The following COL9A2 variants were observed in gnomAD, a reference collection of about 807,000 sequenced individuals.
COL9A2 encodes collagen type IX alpha 2 chain, also known as collagen alpha-2(IX) chain.
In COL9A2, 66 loss-of-function variants were observed where a neutral mutation model predicts 111.6. That is an observed-to-expected ratio of 0.59 (90% CI 0.48 to 0.73). The LOEUF (loss-of-function observed/expected upper bound fraction) is 0.73. COL9A2 is among the 30% of genes least tolerant of loss of function. COL9A2 has a pLI of 0.00. For synonymous variants in COL9A2, 353 were observed against 364.1 expected (o/e 0.97, Z 0.35); for missense variants, 881 against 954.1 (o/e 0.92, Z 1.01).
Position 40,304,542 on chromosome 1 carries a change from G to C in COL9A2, c.1162-13C>G, listed in dbSNP as rs781182527. The C allele has an allele frequency of 1.9e-6, 3 of 1,614,116 alleles. No individual in the cohort carries two copies. The highest frequency in any genetic ancestry group is 4.5e-5 in the East Asian group (2 of 44,884). ...CGCCTTGGTCACCCTGAAATGGAAA[G>C]AGAAGGTCACAACCTCAGCAGCTCT... On this transcript the variant is annotated splice_polypyrimidine_tract_variant and intron_variant, in intron 22 of 31. Coordinates refer to ENST00000372748, the MANE Select transcript of COL9A2 (RefSeq NM_001852.4).
In COL9A2 at chr1:40,312,397, C is replaced by T; in HGVS notation, c.363+59G>A. On this transcript the variant is annotated intron_variant, in intron 7 of 31. Transcript: ENST00000372748. The surrounding 1 kb of genome is among the most constrained non-coding windows in gnomAD (Gnocchi z 6.0). ...TGGTGGCCATTCCCTCGAAGCCTTT[C>T]TGTTGTCCCCTCCTTCCCTGGGAGT... is the stretch of plus-strand genomic sequence containing the variant. The T allele has an allele frequency of 6.3e-7, 1 of 1,596,958 alleles. No individual in the cohort carries two copies. The highest frequency in any genetic ancestry group is 8.6e-7 in the Non-Finnish European group (1 of 1,169,536).
chr1:40,311,209 A>G lies in COL9A2; in HGVS notation c.576+21T>C. 6.2e-7 allele frequency: 1 copy of G among 1,614,132 alleles called. No individual in the cohort carries two copies. The highest frequency in any genetic ancestry group is 8.5e-7 in the Non-Finnish European group (1 of 1,179,978). On this transcript the variant is annotated intron_variant, in intron 11 of 31. Transcript: ENST00000372748. The surrounding 1 kb of genome is among the most constrained non-coding windows in gnomAD (Gnocchi z 5.1). ...CTGTCACCTGCACCACCCTCCCAAGATTCAGGCCAGGAGCTCTCACCTTCA... is the reference window on the plus strand; with the variant it reads ...CTGTCACCTGCACCACCCTCCCAAGGTTCAGGCCAGGAGCTCTCACCTTCA...
rs747487766 is a variant in COL9A2, at chr1:40,314,279, A to T, written c.187-12T>A. 35 of 1,614,216 alleles carry T rather than the reference A, an allele frequency of 2.2e-5. No homozygotes were observed. The East Asian group carries it at 7.1e-4, about 33-fold the overall frequency. On this transcript the variant is annotated splice_polypyrimidine_tract_variant and intron_variant, in intron 3 of 31. Coordinates refer to ENST00000372748, the MANE Select transcript of COL9A2 (RefSeq NM_001852.4). This position sits in a 1 kb window ranked among gnomAD's most constrained non-coding sequence, Gnocchi z 4.1. ...TCGCCCTTGGGTCCCTTGAAAACAG[A>T]GATGGAACAAACATGAGCCAGAGGA...
Position 40,311,785 on chromosome 1 carries a change from A to G in COL9A2, c.418-70T>C. ...CCAGCTTACCCTAGTGCCCTCCTCC[A>G]GGTCCTGCCTCTGCCCTCTCCACCC... On this transcript the variant is annotated intron_variant, in intron 8 of 31. Transcript: ENST00000372748. This position sits in a 1 kb window ranked among gnomAD's most constrained non-coding sequence, Gnocchi z 5.1. 1 of 1,486,928 alleles carries G rather than the reference A, an allele frequency of 6.7e-7. No homozygotes were observed. The allele number at this position is 1,486,928 out of a possible 1,614,324, so 92.1% of individuals were successfully genotyped here.
rs367790981 is a variant in COL9A2, at chr1:40,303,980, G to C, written c.1324-8C>G. The C allele has an allele frequency of 4.5e-6, 7 of 1,568,016 alleles. No individual in the cohort carries two copies. The African/African-American group carries it at 8.1e-5, about 18-fold the overall frequency. On this transcript the variant is annotated splice_polypyrimidine_tract_variant and splice_region_variant and intron_variant, in intron 25 of 31. Transcript: ENST00000372748. The surrounding 1 kb of genome is among the most constrained non-coding windows in gnomAD (Gnocchi z 4.6). ...GGCCACCCCTGGGTCACCCTGCAGA[G>C]AGAACCACGGGTCAGACGCGCGGTG...
At position 40,312,119 on chromosome 1, in the gene COL9A2, A is replaced by G; in HGVS notation, c.364-7T>C. On this transcript the variant is annotated splice_polypyrimidine_tract_variant and splice_region_variant and intron_variant, in intron 7 of 31. Coordinates refer to ENST00000372748, the MANE Select transcript of COL9A2 (RefSeq NM_001852.4). This position sits in a 1 kb window ranked among gnomAD's most constrained non-coding sequence, Gnocchi z 6.0. ...CAACAGGTCCAGGAGGCCCCTGGGG[A>G]GCAGAGAGTTGATGGTCAGGATGCC... The G allele has an allele frequency of 3.8e-6, 6 of 1,599,186 alleles. No individual in the cohort carries two copies. Among genetic ancestry groups the G allele is most frequent in the Non-Finnish European group, 5.1e-6 (6 of 1,174,692 alleles).
At chr1:40,305,593 C>A in intron 21 of COL9A2, 122 bp downstream of exon 21, 2 of 915,336 alleles carry the variant, frequency 2.2e-6, no homozygotes, top group East Asian at 2.5e-5. Flanking sequence ...GGAGAAAGAG[C>A]TTCCCTGAAT....
intron 16 of COL9A2, 48 bp from the exon 17 acceptor site, chr1:40,308,293 G>C (rs533459487): frequency 1.3e-6 from 2 of 1,579,378 alleles, no homozygotes; most frequent in Middle Eastern, 1.7e-4. Flanking sequence ...TTGGGCCCCT[G>C]TCTGGCTGTG....
At position 40,302,320 on chromosome 1, in the gene COL9A2, C is replaced by T. The variant is rs1643926646; in HGVS notation, c.1792+301G>A. On this transcript the variant is annotated intron_variant, in intron 30 of 31. Coordinates refer to ENST00000372748, the MANE Select transcript of COL9A2 (RefSeq NM_001852.4). The surrounding 1 kb of genome is among the most constrained non-coding windows in gnomAD (Gnocchi z 4.5). ...TCTGGATTCACACCCGTGTGTGGCTCCAGCCTGCCTGCTTTACTGCTCTGC... is the reference window on the plus strand; with the variant it reads ...TCTGGATTCACACCCGTGTGTGGCTTCAGCCTGCCTGCTTTACTGCTCTGC... Among the ~76,000 whole-genome samples the T allele has an allele frequency of 6.6e-6, 1 of 152,172 alleles. No individual in the cohort carries two copies. The highest frequency in any genetic ancestry group is 1.5e-5 in the Non-Finnish European group (1 of 68,024).
In COL9A2 at chr1:40,316,347, A is replaced by G. The variant is rs955104896; in HGVS notation, c.76-683T>C. Among the ~76,000 whole-genome samples the G allele has an allele frequency of 6.6e-6, 1 of 152,128 alleles. No homozygotes were observed. The highest frequency in any genetic ancestry group is 1.5e-5 in the Non-Finnish European group (1 of 68,006). ...CAGGAGGAGCCGGCACCTCCCAGAAAGCAGACCCTCTCTCTGGATCCCGTT... is the reference window on the plus strand; with the variant it reads ...CAGGAGGAGCCGGCACCTCCCAGAAGGCAGACCCTCTCTCTGGATCCCGTT... On this transcript the variant is annotated intron_variant, in intron 1 of 31. Coordinates refer to ENST00000372748, the MANE Select transcript of COL9A2 (RefSeq NM_001852.4). This position sits in a 1 kb window ranked among gnomAD's most constrained non-coding sequence, Gnocchi z 5.5.
rs1421803232 is a variant in COL9A2 at position 40,314,303 on chromosome 1, G to A, written c.187-36C>T. On this transcript the variant is annotated intron_variant, in intron 3 of 31. Transcript: ENST00000372748. The surrounding 1 kb of genome is among the most constrained non-coding windows in gnomAD (Gnocchi z 4.1). ...GAGATGGAACAAACATGAGCCAGAG[G>A]AGGGCAAGAGCAGGAAGGGTCAAAG... The A allele has an allele frequency of 6.2e-7, 1 of 1,614,240 alleles. No individual in the cohort carries two copies. The highest frequency in any genetic ancestry group is 1.7e-5 in the Admixed American group (1 of 60,032).
At chr1:40,306,316 C>T (rs1035674872) in intron 19 of COL9A2, 129 bp from the exon 20 acceptor site, 175 of 973,876 alleles carry the variant, frequency 1.8e-4, no homozygotes, top group Non-Finnish European at 2.2e-4. Flanking sequence ...GGTCCAGCCA[C>T]GGCATGATGA....
Position 40,307,731 on chromosome 1 carries a change from T to A in COL9A2, c.926A>T (p.Asp309Val). The A allele has an allele frequency of 6.2e-7, 1 of 1,614,164 alleles. No homozygotes were observed. The highest frequency in any genetic ancestry group is 8.5e-7 in the Non-Finnish European group (1 of 1,180,024). The part of the protein sequence containing the change: ...ATGPPGINGK[D>V]GTPGTPGMKG... ...CATGCCAGGCGTGCCTGGGGTCCCATCCTTGCCGTTGATGCCTGGGGGGCC... is the reference window on the plus strand; with the variant it reads ...CATGCCAGGCGTGCCTGGGGTCCCAACCTTGCCGTTGATGCCTGGGGGGCC... The change falls in exon 18 of 32, where the codon GAT becomes GTT. Residue 309 changes from aspartate to valine, a missense_variant. Physicochemically the swap from Asp to Val is radical, Grantham distance 152 (BLOSUM62 -3). Transcript: ENST00000372748. The surrounding 1 kb of genome is among the most constrained non-coding windows in gnomAD (Gnocchi z 4.8).
Position 40,305,770 on chromosome 1 carries a change from T to C in COL9A2, c.1054-2A>G. 2 of 1,614,056 alleles carry C rather than the reference T, an allele frequency of 1.2e-6. No individual in the cohort carries two copies. Among genetic ancestry groups the C allele is most frequent in the Non-Finnish European group, 8.5e-7 (1 of 1,179,982 alleles). ...AAGGCCCTGCGGGCCCGGCTCACCC[T>C]GCAGGAAAACAGTTCTCAGGTCAGT... On this transcript the variant is annotated splice_acceptor_variant, in intron 20 of 31. Transcript: ENST00000372748. LOFTEE classifies it high-confidence loss of function.
Position 40,301,756 on chromosome 1 carries a change from G to A in COL9A2, c.1870+56C>T, listed in dbSNP as rs560573323. The stretch of plus-strand genomic sequence containing the variant: ...ATGGAGGAGACCGCAGTGTCCACAC[G>A]TCATTAATTCCCAAGCTGAGGAACA... On this transcript the variant is annotated intron_variant, in intron 31 of 31. Transcript: ENST00000372748. 6.2e-5 allele frequency: 96 copies of A among 1,542,576 alleles called. 1 individual carries two copies. The Admixed American group carries it at 8.8e-4, about 14-fold the overall frequency.
chr1:40,310,186 A>G lies in COL9A2; in HGVS notation c.739-22T>C, dbSNP rs1396436673. On this transcript the variant is annotated intron_variant, in intron 14 of 31. Transcript: ENST00000372748. This position sits in a 1 kb window ranked among gnomAD's most constrained non-coding sequence, Gnocchi z 4.9. ...GGCCCTGGGGAGAGGAAAGGGTTGC[A>G]GGTCAGTCCTGGCTGAACTCCAGGG... 6.2e-7 allele frequency: 1 copy of G among 1,614,126 alleles called. No individual in the cohort carries two copies.
chr1:40,313,461 G>A (rs760563844), intron 4 of COL9A2, among the ~76,000 whole-genome samples: 7 of 152,168 alleles, frequency 4.6e-5, no homozygotes, highest in Admixed American at 1.3e-4. Context: ...AAGCCACCAC[G>A]CCAGGCCATT....
At position 40,316,701 on chromosome 1, in the gene COL9A2, G is replaced by A. The variant is rs1363586702; in HGVS notation, c.75+422C>T. On this transcript the variant is annotated intron_variant, in intron 1 of 31. Transcript: ENST00000372748. This position sits in a 1 kb window ranked among gnomAD's most constrained non-coding sequence, Gnocchi z 5.5. ...CCTCGGAAGGGAGACGTGGGTAGGC[G>A]GGCAGGGCCGAGAGGCCGCCTCGGG... The A allele has an allele frequency of 2.4e-6, 1 of 412,054 alleles. No homozygotes were observed. Among genetic ancestry groups the A allele is most frequent in the Non-Finnish European group, 4.7e-6 (1 of 211,268 alleles). 25.5% of individuals were successfully genotyped at this position (412,054 alleles called of 1,614,324 possible). A position where few individuals can be genotyped will look rare whatever the true frequency, so the allele number is the denominator to read the frequency against.
At chr1:40,315,027 G>T (rs1388904364) in intron 2 of COL9A2, among the ~76,000 whole-genome samples, 1 of 152,112 alleles carries the variant, frequency 6.6e-6, no homozygotes, top group Non-Finnish European at 1.5e-5. Context: ...TCCTGTGTTT[G>T]GGGGGTGGGG....
Sources: allele counts gnomAD v4.1 joint callset (sites outside exome capture counted in the v4.1 genomes callset), GRCh38; gene constraint gnomAD v4.1.1; non-coding constraint Gnocchi (gnomAD v3.1); transcripts MANE v1.5; gene names NCBI Gene and HGNC (gene_info 2026-07-23, HGNC 2026-07-21).